Variants in PDE4B observed in about 807,000 individuals in gnomAD.
The protein encoded by PDE4B is 3',5'-cyclic-AMP phosphodiesterase 4B.
In PDE4B, 20 loss-of-function variants were observed where a neutral mutation model predicts 82.2. That is an observed-to-expected ratio of 0.24 (90% CI 0.17 to 0.35). The LOEUF is 0.35. Among genes scored for constraint, PDE4B ranks in the 10% least tolerant of loss-of-function variants. The pLI is 1.00. For missense variants in PDE4B, 655 were observed against 907.2 expected (o/e 0.72, Z 3.57); for synonymous variants, 320 against 318.9 (o/e 1.00, Z -0.04).
At chr1:66,201,587 T>A (rs1232432987) in intron 3 of PDE4B, among the ~76,000 whole-genome samples, 1 of 149,596 alleles carries the variant, frequency 6.7e-6, no homozygotes, top group Non-Finnish European at 1.5e-5. Context: ...GGCGTATGTG[T>A]CGAGTAATTT....
intron 7 of PDE4B, among the ~76,000 whole-genome samples, chr1:66,294,006 G>A (rs1414025798): frequency 6.6e-6 from 1 of 152,176 alleles, no homozygotes. Context: ...AGGAGTTCCT[G>A]ACCAGCCTGG....
chr1:65,814,620 A>G (rs1645858762), intron 1 of PDE4B, among the ~76,000 whole-genome samples: 1 of 152,102 alleles, frequency 6.6e-6, no homozygotes, highest in Non-Finnish European at 1.5e-5. Flanking sequence ...TCTCTAACCC[A>G]TCCTTTGGCA....
intron 3 of PDE4B, among the ~76,000 whole-genome samples, chr1:66,230,242 C>T (rs1373715606): frequency 6.6e-6 from 1 of 152,122 alleles, no homozygotes; most frequent in African/African-American, 2.4e-5. Context: ...GTACAAAGAA[C>T]ATAAGCAGAA....
At chr1:66,025,842 T>A (rs1459625172) in intron 3 of PDE4B, among the ~76,000 whole-genome samples, 3 of 152,218 alleles carry the variant, frequency 2.0e-5, no homozygotes, top group African/African-American at 7.2e-5. Context: ...CCACAAAGGT[T>A]TGTGCTTTAA....
At chr1:66,002,813 A>G (rs1651935654) in intron 3 of PDE4B, among the ~76,000 whole-genome samples, 1 of 152,102 alleles carries the variant, frequency 6.6e-6, no homozygotes, top group African/African-American at 2.4e-5. Flanking sequence ...CTAGACCTCA[A>G]TTCTTTAACT....
chr1:66,113,859 A>G (rs1392902182), intron 3 of PDE4B, among the ~76,000 whole-genome samples: 2 of 152,192 alleles, frequency 1.3e-5, no homozygotes, highest in Non-Finnish European at 2.9e-5. Flanking sequence ...GATAATAGCA[A>G]ACATTTATTA....
chr1:66,069,072 C>T (rs1056989049), intron 3 of PDE4B, among the ~76,000 whole-genome samples: 1 of 152,004 alleles, frequency 6.6e-6, no homozygotes, highest in Non-Finnish European at 1.5e-5. Flanking sequence ...TGTGGCCATT[C>T]TAAGAATGGT....
At chr1:66,244,919 A>G (rs994939049) in intron 3 of PDE4B, among the ~76,000 whole-genome samples, 1 of 152,212 alleles carries the variant, frequency 6.6e-6, no homozygotes, top group African/African-American at 2.4e-5. Context: ...CAGAATGCCT[A>G]TGACACTCAT....
chr1:66,272,023 G>A lies in PDE4B; in HGVS notation c.634+5936G>A, dbSNP rs185114350. On this transcript the variant is annotated intron_variant, in intron 7 of 16. Coordinates refer to ENST00000341517, the MANE Select transcript of PDE4B (RefSeq NM_002600.4). ...GTAGCATCAGGGATCTGCAGCAAAG[G>A]GTGGAGGAGGAAGCTGGGAAGAAAG... Among the ~76,000 whole-genome samples the A allele has an allele frequency of 8.5e-5, 13 of 152,280 alleles. No individual in the cohort carries two copies. The East Asian group carries it at 2.5e-3, about 29-fold the overall frequency.
chr1:66,116,927 T>G (rs899205770), intron 3 of PDE4B, among the ~76,000 whole-genome samples: 5 of 152,146 alleles, frequency 3.3e-5, no homozygotes, highest in African/African-American at 1.2e-4. Flanking sequence ...CCCCAGGATG[T>G]CACCTGGCTG....
At chr1:66,332,669 C>G in intron 8 of PDE4B, 49 bp downstream of exon 8, 2 of 1,484,138 alleles carry the variant, frequency 1.3e-6, no homozygotes, top group Non-Finnish European at 1.9e-6. Flanking sequence ...GCAGGGAGCT[C>G]CAGCTCCCCT....
intron 3 of PDE4B, among the ~76,000 whole-genome samples, chr1:66,034,716 T>C (rs1168643159): frequency 6.6e-6 from 1 of 152,202 alleles, no homozygotes; most frequent in Non-Finnish European, 1.5e-5. Context: ...AACCCTAGCA[T>C]GTCTAGGAAC....
At chr1:66,163,931 A>G (rs916418999) in intron 3 of PDE4B, among the ~76,000 whole-genome samples, 25 of 152,276 alleles carry the variant, frequency 1.6e-4, no homozygotes, top group African/African-American at 5.8e-4. Flanking sequence ...TGGACAGCCT[A>G]TGTGCATTTG....
chr1:65,820,167 T>C (rs1343739311), intron 1 of PDE4B, among the ~76,000 whole-genome samples: 1 of 152,228 alleles, frequency 6.6e-6, no homozygotes, highest in African/African-American at 2.4e-5. Context: ...TGAGATCCCA[T>C]ATTGAAGGAA....
At chr1:65,988,763 GT>G (rs201557178) in intron 3 of PDE4B, among the ~76,000 whole-genome samples, 4,828 of 151,944 alleles carry the variant, frequency 0.032, 191 homozygotes, top group Admixed American at 0.11. Flanking sequence ...GTTGTGCTAG[GT>G]ATAATATTAT....
At chr1:66,222,079 C>T (rs1651033197) in intron 3 of PDE4B, among the ~76,000 whole-genome samples, 1 of 152,136 alleles carries the variant, frequency 6.6e-6, no homozygotes, top group African/African-American at 2.4e-5. Flanking sequence ...TTTGTTCTAC[C>T]ATATTAGCTC....
Position 66,173,182 on chromosome 1 carries a change from T to C in PDE4B, c.282-74278T>C, listed in dbSNP as rs1646870668. Among the ~76,000 whole-genome samples, 3 of 152,216 alleles carry C rather than the reference T, an allele frequency of 2.0e-5. 1 individual carries two copies. The South Asian group carries it at 6.2e-4, about 32-fold the overall frequency. On this transcript the variant is annotated intron_variant, in intron 3 of 16. Transcript: ENST00000341517. ...GAAGGAAGACTTTCCAGGCATAATA[T>C]AGCATAGCATGACTCATCCTGGAGA...
At position 65,838,503 on chromosome 1, in the gene PDE4B, G is replaced by A. The variant is rs933832447; in HGVS notation, c.-71+45255G>A. 6.2e-5 allele frequency among the ~76,000 whole-genome samples: 9 copies of A among 145,720 alleles called. 1 individual carries two copies. In the South Asian group the frequency reaches 1.1e-3, roughly 17 times the overall value. On this transcript the variant is annotated intron_variant, in intron 1 of 16. Coordinates refer to ENST00000341517, the MANE Select transcript of PDE4B (RefSeq NM_002600.4). ...TATATACGTATATGTATATATATAC[G>A]TATATGTATATATATGTATATGTAT...
At chr1:66,049,767 G>T (rs753282714) in intron 3 of PDE4B, among the ~76,000 whole-genome samples, 1 of 151,976 alleles carries the variant, frequency 6.6e-6, no homozygotes, top group African/African-American at 2.4e-5. Context: ...GCAAGGTGGG[G>T]TTGGATACCA....
Sources: allele counts gnomAD v4.1 joint callset (sites outside exome capture counted in the v4.1 genomes callset), GRCh38; gene constraint gnomAD v4.1.1; transcripts MANE v1.5; gene names NCBI Gene and HGNC (gene_info 2026-07-23, HGNC 2026-07-21).